The following SORT1 variants were observed in gnomAD, a reference collection of about 807,000 sequenced individuals.
SORT1 encodes the protein sortilin.
Under a neutral mutation model 101.7 loss-of-function variants are expected in SORT1, and 39 were observed. The ratio of observed to expected loss-of-function variants is 0.38; its 90% CI spans 0.30 to 0.50. The LOEUF is 0.50. Among genes scored for constraint, SORT1 ranks in the 20% least tolerant of loss-of-function variants. The probability of loss-of-function intolerance (pLI) is 0.90; values close to 1 mark genes in which losing one functional copy is unlikely to be tolerated. For missense variants in SORT1, 878 were observed against 1,040.4 expected (o/e 0.84, Z 2.15); for synonymous variants, 396 against 393.7 (o/e 1.01, Z -0.07).
At chr1:109,388,168 A>G (rs528448614) in intron 1 of SORT1, among the ~76,000 whole-genome samples, 25 of 151,370 alleles carry the variant, frequency 1.7e-4, no homozygotes, top group Non-Finnish European at 3.4e-4. Flanking sequence ...CCTGGGCTCA[A>G]GCTATCCTCC....
At position 109,397,470 on chromosome 1, in the gene SORT1, G is replaced by A. The variant is rs1050126261; in HGVS notation, c.306+117C>T. The A allele has an allele frequency of 1.2e-5, 8 of 690,832 alleles. No individual in the cohort carries two copies. In the South Asian group the frequency reaches 3.8e-4, roughly 33 times the overall value. 42.8% of individuals were successfully genotyped at this position (690,832 alleles called of 1,614,324 possible). On this transcript the variant is annotated intron_variant, in intron 1 of 19. Transcript: ENST00000256637. ...CGCAGTTTCGGGGCTGCGGCCCGGG[G>A]GACGCGGGCGCGGCAGGGCTGGGGT...
intron 5 of SORT1, 88 bp from the exon 6 acceptor site, chr1:109,351,090 C>T: frequency 4.3e-6 from 4 of 927,984 alleles, no homozygotes; most frequent in Non-Finnish European, 7.2e-6. Context: ...TCCAATCATT[C>T]AGGACAGGAA....
At position 109,310,624 on chromosome 1, in the gene SORT1, T is replaced by C. The variant is rs912656010; in HGVS notation, c.*3419A>G. The C allele has an allele frequency of 6.5e-6, 1 of 153,214 alleles. No individual in the cohort carries two copies. The highest frequency in any genetic ancestry group is 1.9e-4 in the East Asian group (1 of 5,198). The allele number at this position is 153,214 out of a possible 1,614,324, so 9.5% of individuals were successfully genotyped here. On this transcript the variant is annotated 3_prime_UTR_variant, in exon 20 of 20. Transcript: ENST00000256637. ...CACTTCCAAGTATCCTGGATGAATA[T>C]AGGGGCGAGGGGCTACACTGACAAT...
At chr1:109,379,175 T>C (rs551237143) in intron 1 of SORT1, among the ~76,000 whole-genome samples, 108 of 152,054 alleles carry the variant, frequency 7.1e-4, no homozygotes, top group African/African-American at 2.5e-3. Flanking sequence ...TGTGTTGCTC[T>C]AATGTAGCAT....
At chr1:109,316,791 T>C in intron 17 of SORT1, 59 bp downstream of exon 17, 1 of 1,123,866 alleles carries the variant, frequency 8.9e-7, no homozygotes, top group Non-Finnish European at 1.3e-6. Context: ...AACTTTGATT[T>C]TTCTTAGCAG....
chr1:109,315,746 AC>A (rs1397545408), intron 17 of SORT1, among the ~76,000 whole-genome samples: 3 of 134,084 alleles, frequency 2.2e-5, no homozygotes, highest in South Asian at 4.9e-4. Flanking sequence ...CAGCCTCATA[AC>A]CTTTTTTTTT....
intron 1 of SORT1, among the ~76,000 whole-genome samples, chr1:109,388,040 C>T (rs1047967045): frequency 1.3e-5 from 2 of 152,106 alleles, no homozygotes; most frequent in East Asian, 3.8e-4. Flanking sequence ...ATCCTGAGTC[C>T]AGTGATACAA....
At position 109,323,082 on chromosome 1, in the gene SORT1, G is replaced by A. The variant is rs1464807752; in HGVS notation, c.1874C>T (p.Thr625Ile). The change falls in exon 15 of 20, where the codon ACA (threonine) becomes ATA (isoleucine). Residue 625 changes from threonine to isoleucine, a missense_variant. Coordinates refer to ENST00000256637, the MANE Select transcript of SORT1 (RefSeq NM_002959.7). The part of the protein sequence containing the change: ...KDYTIWLAHS[T>I]DPEDYEDGCI... ...GCCATCTTCATAATCTTCAGGGTCTGTGGAGTGTGCCAGCCATATGGTATA... is the reference window on the plus strand; with the variant it reads ...GCCATCTTCATAATCTTCAGGGTCTATGGAGTGTGCCAGCCATATGGTATA... The A allele has an allele frequency of 6.2e-7, 1 of 1,614,160 alleles. No individual in the cohort carries two copies. The highest frequency in any genetic ancestry group is 1.7e-5 in the Admixed American group (1 of 60,024).
At chr1:109,394,653 G>A (rs907797002) in intron 1 of SORT1, among the ~76,000 whole-genome samples, 18 of 152,292 alleles carry the variant, frequency 1.2e-4, no homozygotes, top group African/African-American at 4.1e-4. Flanking sequence ...ATAACCTTCT[G>A]AGGCTTTTCA....
intron 1 of SORT1, among the ~76,000 whole-genome samples, chr1:109,376,493 C>T (rs1651865987): frequency 6.8e-6 from 1 of 147,344 alleles, no homozygotes; most frequent in Admixed American, 6.7e-5. Flanking sequence ...TGGAATCAAC[C>T]TAGGTGCCCA....
At chr1:109,363,516 CATACAT>C (rs1427839517) in intron 3 of SORT1, among the ~76,000 whole-genome samples, 3 of 152,110 alleles carry the variant, frequency 2.0e-5, no homozygotes, top group Non-Finnish European at 2.9e-5. Flanking sequence ...CATACATACA[CATACAT>C]ATAATCTCCC....
intron 10 of SORT1, among the ~76,000 whole-genome samples, chr1:109,337,271 A>G (rs1648894878): frequency 6.6e-6 from 1 of 151,672 alleles, no homozygotes; most frequent in African/African-American, 2.4e-5. Context: ...ATTGAGATGG[A>G]TTTTCGCTCT....
At chr1:109,386,781 A>T (rs1363858874) in intron 1 of SORT1, among the ~76,000 whole-genome samples, 1 of 152,232 alleles carries the variant, frequency 6.6e-6, no homozygotes, top group Non-Finnish European at 1.5e-5. Flanking sequence ...TTTCAAGCAA[A>T]GTTCCTAAGA....
intron 14 of SORT1, 45 bp downstream of exon 14, chr1:109,324,854 T>C (rs892102387): frequency 3.8e-6 from 5 of 1,302,340 alleles, no homozygotes; most frequent in Non-Finnish European, 4.3e-6. Flanking sequence ...TTTAGGAAAA[T>C]GGACTTGGAA....
intron 1 of SORT1, among the ~76,000 whole-genome samples, chr1:109,386,009 T>C (rs112953099): frequency 2.0e-3 from 306 of 152,360 alleles, no homozygotes; most frequent in African/African-American, 7.1e-3. Context: ...GACAAACAAC[T>C]GCTGAATTAA....
chr1:109,312,703 A>G lies in SORT1; in HGVS notation c.*1340T>C, dbSNP rs1052632740. On this transcript the variant is annotated 3_prime_UTR_variant, in exon 20 of 20. Coordinates refer to ENST00000256637, the MANE Select transcript of SORT1 (RefSeq NM_002959.7). ...CAAATATTCAAGCTGTATTAAAACTAATTATTGCAGCTTTCCATTACTATA... is the reference window on the plus strand; with the variant it reads ...CAAATATTCAAGCTGTATTAAAACTGATTATTGCAGCTTTCCATTACTATA... The G allele has an allele frequency of 6.6e-6, 1 of 152,542 alleles. No homozygotes were observed. Among genetic ancestry groups the G allele is most frequent in the Admixed American group, 6.5e-5 (1 of 15,274 alleles). The allele number at this position is 152,542 out of a possible 1,614,324, so 9.4% of individuals were successfully genotyped here. A position where few individuals can be genotyped will look rare whatever the true frequency, so the allele number is the denominator to read the frequency against.
chr1:109,388,086 T>A (rs1054233575), intron 1 of SORT1, among the ~76,000 whole-genome samples: 5 of 152,052 alleles, frequency 3.3e-5, no homozygotes, highest in Non-Finnish European at 7.3e-5. Context: ...ATATGGGACC[T>A]CACTATGTTG....
intron 11 of SORT1, among the ~76,000 whole-genome samples, chr1:109,330,287 C>T (rs954328128): frequency 6.6e-6 from 1 of 152,214 alleles, no homozygotes; most frequent in African/African-American, 2.4e-5. Flanking sequence ...GCCAGTGTGC[C>T]TGGCCTCAAG....
rs1171588457 is a variant in SORT1 at position 109,345,751 on chromosome 1, C to T, written c.963G>A (p.Lys321=). 2 of 1,612,844 alleles carry T rather than the reference C, an allele frequency of 1.2e-6. No homozygotes were observed. The highest frequency in any genetic ancestry group is 1.7e-6 in the Non-Finnish European group (2 of 1,179,488). The change falls in exon 8 of 20, where the codon AAG becomes AAA. Residue 321 remains lysine (K), a splice_region_variant and synonymous_variant. Coordinates refer to ENST00000256637, the MANE Select transcript of SORT1 (RefSeq NM_002959.7). ...CCAAAGGGGAGAGGGCAATACCTAC[C>T]TTATCAGCCATCACAGAGGCAAAAA... ...RFLFASVMAD[K]DTTRRIHVST...
Sources: allele counts gnomAD v4.1 joint callset (sites outside exome capture counted in the v4.1 genomes callset), GRCh38; gene constraint gnomAD v4.1.1; transcripts MANE v1.5; gene names NCBI Gene and HGNC (gene_info 2026-07-23, HGNC 2026-07-21).